The following SLC6A19 variants were observed in gnomAD, a reference collection of about 807,000 sequenced individuals.
The protein encoded by SLC6A19 is sodium-dependent neutral amino acid transporter B(0)AT1.
A neutral mutation model predicts 68.3 loss-of-function variants in SLC6A19; 67 were observed. The ratio of observed to expected loss-of-function variants is 0.98; its 90% CI spans 0.81 to 1.20. SLC6A19 has a LOEUF of 1.20. SLC6A19 is among the 50% of genes most tolerant of loss of function. The pLI is 0.00. For synonymous variants in SLC6A19, 392 were observed against 374.9 expected (o/e 1.05, Z -0.53); for missense variants, 813 against 851.6 (o/e 0.95, Z 0.56).
intron 3 of SLC6A19, among the ~76,000 whole-genome samples, chr5:1,211,462 AGG>A: frequency 6.6e-6 from 1 of 152,342 alleles, no homozygotes; most frequent in Non-Finnish European, 1.5e-5. Flanking sequence ...CACAGGGAAG[AGG>A]GAGCAGCGTG....
intron 1 of SLC6A19, among the ~76,000 whole-genome samples, chr5:1,207,807 GC>G (rs1745898897): frequency 6.6e-6 from 1 of 152,226 alleles, no homozygotes; most frequent in Non-Finnish European, 1.5e-5. Context: ...TACAGTTCTA[GC>G]CCAGACTGAA....
At chr5:1,216,482 A>G in intron 6 of SLC6A19, 76 bp from the exon 7 acceptor site, 3 of 1,606,232 alleles carry the variant, frequency 1.9e-6, no homozygotes, top group Non-Finnish European at 2.6e-6. Context: ...TCTGGGCGGG[A>G]TGCGGATGCT....
chr5:1,216,399 G>A (rs746390388), intron 6 of SLC6A19, among the ~76,000 whole-genome samples, 159 bp from the exon 7 acceptor site: 18 of 152,136 alleles, frequency 1.2e-4, no homozygotes, highest in Non-Finnish European at 2.2e-4. Flanking sequence ...GAGCCTGCTC[G>A]GAGTGGGGCA....
intron 11 of SLC6A19, 144 bp downstream of exon 11, chr5:1,221,457 G>T: frequency 8.8e-7 from 1 of 1,134,958 alleles, no homozygotes; most frequent in Non-Finnish European, 1.3e-6. Flanking sequence ...GTGCAGTCCA[G>T]CCACCACCCC....
At chr5:1,218,200 G>A (rs962784412) in intron 8 of SLC6A19, among the ~76,000 whole-genome samples, 2 of 152,204 alleles carry the variant, frequency 1.3e-5, no homozygotes, top group East Asian at 1.9e-4. Flanking sequence ...TCTGGAACTC[G>A]CATAGTTGTG....
At chr5:1,216,194 T>C (rs1746201185) in intron 6 of SLC6A19, among the ~76,000 whole-genome samples, 1 of 152,172 alleles carries the variant, frequency 6.6e-6, no homozygotes, top group Admixed American at 6.5e-5. Context: ...ATGGATGTGA[T>C]GTCTTTGGCC....
chr5:1,216,820 CT>C lies in SLC6A19; in HGVS notation c.1049del (p.Leu350ArgfsTer6). ...NILTLINGFD[L>X]PEGNVTQENF... ...CCTGACCCTCATCAACGGGTTCGAC[CT>C]GCCTGAAGGCAACGTGACCCAGGAG... On this transcript the variant is annotated frameshift_variant, in exon 8 of 12. Coordinates refer to ENST00000304460, the MANE Select transcript of SLC6A19 (RefSeq NM_001003841.3). LOFTEE classifies it high-confidence loss of function. 1 of 1,613,848 alleles carries C rather than the reference CT, an allele frequency of 6.2e-7. No individual in the cohort carries two copies. Among genetic ancestry groups the C allele is most frequent in the East Asian group, 2.2e-5 (1 of 44,892 alleles).
At chr5:1,216,275 T>C (rs1746203770) in intron 6 of SLC6A19, among the ~76,000 whole-genome samples, 1 of 152,182 alleles carries the variant, frequency 6.6e-6, no homozygotes, top group Non-Finnish European at 1.5e-5. Context: ...ACCTGAGCTC[T>C]ATAACCAGAG....
intron 8 of SLC6A19, 35 bp from the exon 9 acceptor site, chr5:1,218,868 G>A: frequency 6.2e-7 from 1 of 1,604,232 alleles, no homozygotes; most frequent in East Asian, 2.2e-5. Context: ...CCCACGGAGG[G>A]CAGAGGCCCT....
chr5:1,204,289 G>C (rs1267811960), intron 1 of SLC6A19, among the ~76,000 whole-genome samples: 1 of 152,222 alleles, frequency 6.6e-6, no homozygotes, highest in Non-Finnish European at 1.5e-5. Context: ...AGGTGGGCAG[G>C]CTCAAGGGAC....
chr5:1,217,567 G>A (rs1035142508), intron 8 of SLC6A19, among the ~76,000 whole-genome samples: 1 of 152,168 alleles, frequency 6.6e-6, no homozygotes, highest in African/African-American at 2.4e-5. Flanking sequence ...GTGGCCACTG[G>A]GAGAAGAGCT....
chr5:1,208,497 C>T (rs1021117253), intron 1 of SLC6A19, among the ~76,000 whole-genome samples: 1 of 152,170 alleles, frequency 6.6e-6, no homozygotes, highest in African/African-American at 2.4e-5. Flanking sequence ...ACAGCAACGT[C>T]CAGAGGTCCC....
In SLC6A19 at chr5:1,215,398, C is replaced by A. The variant is rs758187938; in HGVS notation, c.888-1160C>A. Reference sequence around the variant, plus strand: ...GCAAAAGCTCCACATATGTGAGCAGCCGCTCCCCAGTGCCCTGTCCTCCTG... The same window carrying A: ...GCAAAAGCTCCACATATGTGAGCAGACGCTCCCCAGTGCCCTGTCCTCCTG... On this transcript the variant is annotated intron_variant, in intron 6 of 11. Transcript: ENST00000304460. This position sits in a 1 kb window ranked among gnomAD's most constrained non-coding sequence, Gnocchi z 5.1. Among the ~76,000 whole-genome samples, 6 of 152,196 alleles carry A rather than the reference C, an allele frequency of 3.9e-5. No homozygotes were observed. The highest frequency in any genetic ancestry group is 7.4e-5 in the Non-Finnish European group (5 of 68,026).
intron 11 of SLC6A19, 127 bp from the exon 12 acceptor site, chr5:1,221,574 G>A (rs888106447): frequency 1.6e-6 from 2 of 1,231,674 alleles, no homozygotes; most frequent in Non-Finnish European, 2.3e-6. Context: ...GAAGCTGGAG[G>A]AGCCCCAGGC....
In SLC6A19 at chr5:1,209,506, TG is replaced by T. The variant is rs1483181597; in HGVS notation, c.343+621del. ...CTACACCCTCATCCCAGCCTCTCCC[TG>T]AGTCTCCAAGGCCTCCCTCCAGGCC... On this transcript the variant is annotated intron_variant, in intron 2 of 11. Coordinates refer to ENST00000304460, the MANE Select transcript of SLC6A19 (RefSeq NM_001003841.3). The surrounding 1 kb of genome is among the most constrained non-coding windows in gnomAD (Gnocchi z 5.5). 6.6e-6 allele frequency among the ~76,000 whole-genome samples: 1 copy of T among 151,994 alleles called. No homozygotes were observed.
intron 3 of SLC6A19, among the ~76,000 whole-genome samples, chr5:1,210,880 C>T (rs973299584): frequency 2.6e-5 from 4 of 152,148 alleles, no homozygotes; most frequent in Admixed American, 2.6e-4. Flanking sequence ...AGGCTGCTCC[C>T]TATTCTCTAG....
intron 9 of SLC6A19, 108 bp downstream of exon 9, chr5:1,219,215 G>C (rs1252896723): frequency 1.4e-5 from 15 of 1,099,812 alleles, no homozygotes; most frequent in Admixed American, 2.1e-5. Flanking sequence ...CAGCCCCCGG[G>C]CGTGTGAACA....
In SLC6A19 at chr5:1,208,868, C is replaced by T. The variant is rs767124586; in HGVS notation, c.325C>T (p.Pro109Ser). The change falls in exon 2 of 12, where the codon CCG becomes TCG. Residue 109 changes from proline (P) to serine (S), a missense_variant. Physicochemically the swap from Pro to Ser is moderately conservative, Grantham distance 74. Transcript: ENST00000304460. ...GSLGVWSSIH[P>S]ALKGLGLASM... Reference sequence around the variant, plus strand: ...CCTGGGTGTGTGGAGCTCCATCCACCCGGCCCTGAAGGGCCTAGGTGAGTG... The same window carrying T: ...CCTGGGTGTGTGGAGCTCCATCCACTCGGCCCTGAAGGGCCTAGGTGAGTG... The T allele has an allele frequency of 5.0e-5, 80 of 1,612,312 alleles. No homozygotes were observed. Among genetic ancestry groups the T allele is most frequent in the Non-Finnish European group, 6.7e-5 (79 of 1,179,832 alleles).
rs941101034 is a variant in SLC6A19, at chr5:1,222,071, C to T, written c.*167C>T. ...ATGTGCCATGTGTGCAGATATGTAT[C>T]GTGTGTGCATGTACATGCATGGGCA... On this transcript the variant is annotated 3_prime_UTR_variant, in exon 12 of 12. Transcript: ENST00000304460. 1.2e-5 allele frequency: 9 copies of T among 761,708 alleles called. No individual in the cohort carries two copies. The highest frequency in any genetic ancestry group is 5.2e-5 in the South Asian group (3 of 57,386). 47.2% of individuals were successfully genotyped at this position (761,708 alleles called of 1,614,324 possible). A position where few individuals can be genotyped will look rare whatever the true frequency, so the allele number is the denominator to read the frequency against.
Sources: gnomAD v4.1 joint callset for allele counts (sites outside exome capture counted in the v4.1 genomes callset) on GRCh38, gnomAD v4.1.1 for gene constraint, Gnocchi (gnomAD v3.1) non-coding constraint, MANE v1.5 for transcripts, NCBI Gene and HGNC (gene_info 2026-07-23, HGNC 2026-07-21) for gene names.